The following INSL6 variants were observed in gnomAD, a reference collection of about 807,000 sequenced individuals.
INSL6 encodes the protein insulin-like peptide INSL6.
Under a neutral mutation model 9.4 loss-of-function variants are expected in INSL6, and 16 were observed. The observed-to-expected ratio is 1.70, with a 90% CI of 1.15 to 2.59. The LOEUF is 2.59. Ranked by LOEUF, INSL6 falls within the 30% of genes most tolerant of loss-of-function variation. INSL6 has a pLI of 0.00. For synonymous variants in INSL6, 154 were observed against 96.9 expected, an observed-to-expected ratio of 1.59 and a Z score of -3.46; for missense variants, 391 against 257.3, an observed-to-expected ratio of 1.52 and a Z score of -3.56.
At chr9:4,993,783 C>A in the INSL6 span, among the ~76,000 whole-genome samples, 1 of 152,152 alleles carries the variant, frequency 6.6e-6, no homozygotes, top group Non-Finnish European at 1.5e-5. Context: ...TTCTTCATAA[C>A]GTTGATAAGA....
At chr9:5,151,369 G>A (rs990000917) in intron 2 of INSL6, among the ~76,000 whole-genome samples, 4 of 152,158 alleles carry the variant, frequency 2.6e-5, no homozygotes, top group African/African-American at 4.8e-5. Context: ...AAAATAATGC[G>A]TGTACATGGC....
At position 5,143,730 on chromosome 9, in the gene INSL6, GCTCACTACAACCTCCAC is replaced by G. The variant is rs556859714; in HGVS notation, c.377-10155_377-10139del. ...GCTGGAGTGCAGTGGCATGATCTCA[GCTCACTACAACCTCCAC>G]CTGCTGGGTTCAAGCGATTCTCCTG... On this transcript the variant is annotated intron_variant, in intron 2 of 3. Coordinates refer to the INSL6 transcript ENST00000649639. Among the ~76,000 whole-genome samples, 340 of 151,074 alleles carry G rather than the reference GCTCACTACAACCTCCAC, an allele frequency of 2.3e-3. 2 individuals carry two copies. Among genetic ancestry groups the G allele is most frequent in the African/African-American group, 7.9e-3 (324 of 41,050 alleles).
intron 1 of INSL6, 68 bp downstream of exon 1, chr9:5,185,246 G>A (rs1048756956): frequency 1.9e-6 from 3 of 1,592,634 alleles, no homozygotes; most frequent in Non-Finnish European, 2.6e-6. Context: ...CTCACCTTCT[G>A]GCAGAGCAAA....
At chr9:5,008,389 T>G in the INSL6 span, among the ~76,000 whole-genome samples, 1 of 152,210 alleles carries the variant, frequency 6.6e-6, no homozygotes, top group Non-Finnish European at 1.5e-5. Flanking sequence ...TGATTGCTTG[T>G]ATTTCTCAGT....
At chr9:5,141,804 C>G (rs530371272) in intron 2 of INSL6, among the ~76,000 whole-genome samples, 1 of 152,248 alleles carries the variant, frequency 6.6e-6, no homozygotes, top group South Asian at 2.1e-4. Context: ...ATGCCTATGT[C>G]CTGAACGGTA....
the INSL6 span, among the ~76,000 whole-genome samples, chr9:5,024,906 C>T: frequency 6.6e-6 from 1 of 152,194 alleles, no homozygotes; most frequent in African/African-American, 2.4e-5. Context: ...CAGAGTTTCA[C>T]ACTGGGAGCA....
At chr9:5,068,190 CAAGA>C in the INSL6 span, among the ~76,000 whole-genome samples, 1 of 133,416 alleles carries the variant, frequency 7.5e-6, no homozygotes, top group East Asian at 2.2e-4. Context: ...AAAAAAAAAA[CAAGA>C]AAGGTTATTT....
chr9:5,081,498 T>G, the INSL6 span, among the ~76,000 whole-genome samples: 2 of 152,234 alleles, frequency 1.3e-5, no homozygotes, highest in Non-Finnish European at 1.5e-5. Context: ...TAAAACTTCT[T>G]ATTTTGGAAA....
chr9:5,043,277 T>G, the INSL6 span, among the ~76,000 whole-genome samples: 3 of 151,846 alleles, frequency 2.0e-5, no homozygotes, highest in African/African-American at 7.3e-5. Context: ...TACGTTTCTC[T>G]GATGCTCTTT....
the INSL6 span, among the ~76,000 whole-genome samples, chr9:5,047,656 TTA>T: frequency 6.6e-6 from 1 of 152,242 alleles, no homozygotes. Flanking sequence ...CTTTCTTATT[TTA>T]TTTTTTTATA....
the INSL6 span, among the ~76,000 whole-genome samples, chr9:5,116,857 T>TCAATAATTAAGTGCAATAAGTGTAAGTG: frequency 6.6e-6 from 1 of 152,200 alleles, no homozygotes; most frequent in East Asian, 1.9e-4. Flanking sequence ...TATGGCACTT[T>TCAATAATTAAGTGCAATAAGTGTAAGTG]CAATAATTAA....
chr9:5,171,662 C>T (rs182178175), intron 1 of INSL6, among the ~76,000 whole-genome samples: 15 of 152,230 alleles, frequency 9.9e-5, no homozygotes, highest in Admixed American at 6.5e-4. Context: ...ACAAAATCAA[C>T]GTGCAAAGGT....
intron 1 of INSL6, among the ~76,000 whole-genome samples, chr9:5,182,780 C>T (rs1327217967): frequency 1.3e-5 from 2 of 152,032 alleles, no homozygotes; most frequent in Admixed American, 6.6e-5. Flanking sequence ...ACTAATATCT[C>T]GGAAGCACAA....
chr9:5,070,089 C>A, the INSL6 span: 1 of 1,462,054 alleles, frequency 6.8e-7, no homozygotes, highest in Non-Finnish European at 9.4e-7. Context: ...CTTTTTTGTC[C>A]TTTTAAAACA....
chr9:4,993,317 T>C, the INSL6 span, among the ~76,000 whole-genome samples: 1 of 152,222 alleles, frequency 6.6e-6, no homozygotes, highest in South Asian at 2.1e-4. Flanking sequence ...ACACTCTAGA[T>C]TGGATCTTTG....
Position 5,164,130 on chromosome 9 carries a change from T to G in INSL6, c.425A>C (p.His142Pro). The change falls in exon 2 of 2, where the codon CAT (histidine) becomes CCT (proline). Residue 142 changes from histidine to proline, a missense_variant. Physicochemically the swap from His to Pro is moderately conservative, Grantham distance 77 (BLOSUM62 -2). Coordinates refer to ENST00000381641, the MANE Select transcript of INSL6 (RefSeq NM_007179.3). ...TTTCTTCTGAAATTTTGCATTCTCA[T>G]GAATATATACATTGATATTATGTGA... is the stretch of plus-strand genomic sequence containing the variant. ...SSSHNINVYI[H>P]ENAKFQKKRR... 3 of 1,612,486 alleles carry G rather than the reference T, an allele frequency of 1.9e-6. No individual in the cohort carries two copies. The highest frequency in any genetic ancestry group is 2.5e-6 in the Non-Finnish European group (3 of 1,179,430).
chr9:5,001,102 G>T, the INSL6 span, among the ~76,000 whole-genome samples: 72 of 152,226 alleles, frequency 4.7e-4, no homozygotes, highest in African/African-American at 1.6e-3. Context: ...TAATTTTTTG[G>T]TAGAATCCTC....
chr9:5,054,425 C>T, the INSL6 span: 1 of 642,502 alleles, frequency 1.6e-6, no homozygotes, highest in Admixed American at 2.9e-5. The surrounding 1 kb of genome is among the most constrained non-coding windows in gnomAD (Gnocchi z 4.9). Flanking sequence ...GGGGTTATGT[C>T]AACTTACGCC....
chr9:5,162,228 T>A (rs1586869767), downstream of INSL6, among the ~76,000 whole-genome samples: 1 of 152,308 alleles, frequency 6.6e-6, no homozygotes, highest in African/African-American at 2.4e-5. Flanking sequence ...TCTCAGATTT[T>A]TTTTTTCAAT....
Sources: allele counts gnomAD v4.1 joint callset (sites outside exome capture counted in the v4.1 genomes callset), GRCh38; gene constraint gnomAD v4.1.1; non-coding constraint Gnocchi (gnomAD v3.1); transcripts MANE v1.5; gene names NCBI Gene and HGNC (gene_info 2026-07-23, HGNC 2026-07-21).